GDI2: variants seen among roughly 807,000 people sequenced by gnomAD.
GDI2 encodes the protein rab GDP dissociation inhibitor beta.
A neutral mutation model predicts 54.2 loss-of-function variants in GDI2; 22 were observed. The observed-to-expected ratio is 0.41, with a 90% CI of 0.29 to 0.58. The LOEUF is 0.58. Ranked by LOEUF, GDI2 falls within the 20% of genes least tolerant of loss-of-function variation. The pLI is 0.35. For synonymous variants in GDI2, 177 were observed against 182.1 expected (o/e 0.97, Z 0.23); for missense variants, 422 against 546.0 (o/e 0.77, Z 2.26).
intron 4 of GDI2, among the ~76,000 whole-genome samples, chr10:5,789,719 A>G (rs1415153303): frequency 2.0e-5 from 3 of 152,270 alleles, no homozygotes; most frequent in African/African-American, 7.2e-5. Flanking sequence ...AAATATATGC[A>G]ATTCTATTTC....
intron 2 of GDI2, among the ~76,000 whole-genome samples, chr10:5,798,299 A>G (rs1301527356): frequency 1.3e-5 from 2 of 152,210 alleles, no homozygotes; most frequent in African/African-American, 4.8e-5. Flanking sequence ...TATTCAATAA[A>G]AATTCTGGCT....
At chr10:5,798,229 A>C (rs767995381) in intron 2 of GDI2, among the ~76,000 whole-genome samples, 3 of 152,226 alleles carry the variant, frequency 2.0e-5, no homozygotes, top group Non-Finnish European at 4.4e-5. Flanking sequence ...GAGAACAGTC[A>C]CTTGAGCTCA....
chr10:5,771,830 A>G (rs1459665837), intron 7 of GDI2, among the ~76,000 whole-genome samples: 1 of 152,200 alleles, frequency 6.6e-6, no homozygotes, highest in Non-Finnish European at 1.5e-5. Context: ...GGTGGCTCAC[A>G]CCTGTAATCC....
intron 7 of GDI2, among the ~76,000 whole-genome samples, chr10:5,771,884 A>G (rs1203735424): frequency 4.6e-5 from 7 of 152,230 alleles, no homozygotes; most frequent in Non-Finnish European, 2.9e-5. Flanking sequence ...GAGGTCAAGA[A>G]ACCAAGACCA....
At position 5,774,430 on chromosome 10, in the gene GDI2, G is replaced by A. The variant is rs1840571170; in HGVS notation, c.720-489C>T. Among the ~76,000 whole-genome samples the A allele has an allele frequency of 6.6e-6, 1 of 152,188 alleles. No individual in the cohort carries two copies. Among genetic ancestry groups the A allele is most frequent in the East Asian group, 1.9e-4 (1 of 5,194 alleles). ...ACCAGCAACACATTTGGTGCTGTGTGACTCGGATACATTCCCTAGTAGTAA... is the reference window on the plus strand; with the variant it reads ...ACCAGCAACACATTTGGTGCTGTGTAACTCGGATACATTCCCTAGTAGTAA... On this transcript the variant is annotated intron_variant, in intron 6 of 10. Transcript: ENST00000380191. This position sits in a 1 kb window ranked among gnomAD's most constrained non-coding sequence, Gnocchi z 4.8.
Position 5,813,105 on chromosome 10 carries a change from C to T in GDI2, c.45+109G>A, listed in dbSNP as rs2131728810. On this transcript the variant is annotated intron_variant, in intron 1 of 10. Coordinates refer to ENST00000380191, the MANE Select transcript of GDI2 (RefSeq NM_001494.4). ...ACGACTCCCGTCCCGAAAACTACGG[C>T]TGACGGCAGAACGAGACCCCCGAGG... 6.2e-6 allele frequency: 4 copies of T among 648,624 alleles called. No homozygotes were observed. The East Asian group carries it at 1.0e-4, about 16-fold the overall frequency. 40.2% of individuals were successfully genotyped at this position (648,624 alleles called of 1,614,324 possible). A position where few individuals can be genotyped will look rare whatever the true frequency, so the allele number is the denominator to read the frequency against.
In GDI2 at chr10:5,768,998, T is replaced by C. The variant is rs2131680412; in HGVS notation, c.820-614A>G. 6.6e-6 allele frequency: 1 copy of C among 152,252 alleles called. No individual in the cohort carries two copies. Among genetic ancestry groups the C allele is most frequent in the Non-Finnish European group, 1.5e-5 (1 of 68,016 alleles). 9.4% of individuals were successfully genotyped at this position (152,252 alleles called of 1,614,324 possible). A position where few individuals can be genotyped will look rare whatever the true frequency, so the allele number is the denominator to read the frequency against. Reference sequence around the variant, plus strand: ...GATTTCATGAAAATTTTAAAAATCTTGTGCATAGCCAGGCATGGTGGCATG... The same window carrying C: ...GATTTCATGAAAATTTTAAAAATCTCGTGCATAGCCAGGCATGGTGGCATG... On this transcript the variant is annotated intron_variant, in intron 7 of 10. Transcript: ENST00000380191. This position sits in a 1 kb window ranked among gnomAD's most constrained non-coding sequence, Gnocchi z 4.4.
At position 5,774,136 on chromosome 10, in the gene GDI2, A is replaced by C. The variant is rs1840564242; in HGVS notation, c.720-195T>G. ...CATAATCAGTTATAAATACGAAGTC[A>C]AAAAAAATCACTAACCAGGCACTTG... On this transcript the variant is annotated intron_variant, in intron 6 of 10. Transcript: ENST00000380191. This position sits in a 1 kb window ranked among gnomAD's most constrained non-coding sequence, Gnocchi z 4.8. Among the ~76,000 whole-genome samples, 1 of 67,672 alleles carries C rather than the reference A, an allele frequency of 1.5e-5. No individual in the cohort carries two copies. Among genetic ancestry groups the C allele is most frequent in the Admixed American group, 1.7e-4 (1 of 5,946 alleles). The allele number at this position is 67,672 out of a possible 152,430, so 44.4% of individuals were successfully genotyped here.
In GDI2 at chr10:5,768,410, C is replaced by A. The variant is rs763561895; in HGVS notation, c.820-26G>T. 8.1e-6 allele frequency: 12 copies of A among 1,472,808 alleles called. No homozygotes were observed. Among genetic ancestry groups the A allele is most frequent in the African/African-American group, 1.4e-5 (1 of 72,190 alleles). The allele number at this position is 1,472,808 out of a possible 1,614,324, so 91.2% of individuals were successfully genotyped here. On this transcript the variant is annotated intron_variant, in intron 7 of 10. Transcript: ENST00000380191. This position sits in a 1 kb window ranked among gnomAD's most constrained non-coding sequence, Gnocchi z 4.4. ...CTATAACAAAGCATTTAAGAAGACA[C>A]TGAAGCGGACAAGGATATAGGGAAA...
intron 1 of GDI2, among the ~76,000 whole-genome samples, chr10:5,808,704 A>G (rs1841427879): frequency 8.9e-6 from 1 of 111,738 alleles, no homozygotes; most frequent in Non-Finnish European, 1.9e-5. Flanking sequence ...TATTAAAAAA[A>G]AAAAAAAAAA....
intron 2 of GDI2, among the ~76,000 whole-genome samples, 195 bp downstream of exon 2, chr10:5,800,403 T>C (rs1355317568): frequency 6.6e-6 from 1 of 152,222 alleles, no homozygotes; most frequent in Non-Finnish European, 1.5e-5. Context: ...TGCTAAGAGA[T>C]AACTGCTCCA....
At chr10:5,789,319 C>T (rs1333934909) in intron 4 of GDI2, among the ~76,000 whole-genome samples, 1 of 151,978 alleles carries the variant, frequency 6.6e-6, no homozygotes, top group Admixed American at 6.6e-5. Context: ...AGGCTGATCT[C>T]GAACTCTCGG....
chr10:5,780,961 C>T (rs931211896), intron 6 of GDI2, among the ~76,000 whole-genome samples: 1 of 152,010 alleles, frequency 6.6e-6, no homozygotes, highest in Non-Finnish European at 1.5e-5. Context: ...AAAAAGTTGG[C>T]GAAAGTGTTA....
At chr10:5,804,090 T>C (rs929687479) in intron 1 of GDI2, among the ~76,000 whole-genome samples, 1 of 69,840 alleles carries the variant, frequency 1.4e-5, no homozygotes, top group Non-Finnish European at 4.6e-5. Context: ...GTGTGAATCA[T>C]TCTTTCTTTT....
chr10:5,772,446 A>G (rs1053272261), intron 7 of GDI2, among the ~76,000 whole-genome samples: 1 of 152,194 alleles, frequency 6.6e-6, no homozygotes, highest in African/African-American at 2.4e-5. Flanking sequence ...ATATATGTTC[A>G]AAAGACCCAA....
chr10:5,770,034 G>A (rs899157068), intron 7 of GDI2, among the ~76,000 whole-genome samples: 2 of 152,110 alleles, frequency 1.3e-5, no homozygotes, highest in African/African-American at 4.8e-5. Flanking sequence ...TCCATACATT[G>A]GAATATTATT....
chr10:5,786,577 ATACAAT>A (rs1040733450), intron 4 of GDI2, among the ~76,000 whole-genome samples: 1 of 147,916 alleles, frequency 6.8e-6, no homozygotes, highest in Non-Finnish European at 1.5e-5. Context: ...CAATTCTACC[ATACAAT>A]TACAAGTAAT....
chr10:5,783,997 G>A (rs141007088), intron 6 of GDI2, among the ~76,000 whole-genome samples: 2,023 of 152,146 alleles, frequency 0.013, 37 homozygotes, highest in African/African-American at 0.045. Flanking sequence ...TAGCAAGGCC[G>A]GGGAAGTTTT....
At chr10:5,794,153 C>CGA (rs1841079111) in intron 4 of GDI2, among the ~76,000 whole-genome samples, 1 of 117,068 alleles carries the variant, frequency 8.5e-6, no homozygotes, top group Non-Finnish European at 1.7e-5. Context: ...GGTGACAGAG[C>CGA]GAGACTCTGT....
Sources: gnomAD v4.1 joint callset for allele counts (sites outside exome capture counted in the v4.1 genomes callset) on GRCh38, gnomAD v4.1.1 for gene constraint, Gnocchi (gnomAD v3.1) non-coding constraint, MANE v1.5 for transcripts, NCBI Gene and HGNC (gene_info 2026-07-23, HGNC 2026-07-21) for gene names.